Variants in CUX1 observed in about 807,000 individuals in gnomAD.
The protein encoded by CUX1 is protein CASP.
In CUX1, 31 loss-of-function variants were observed where a neutral mutation model predicts 158.8. That is an observed-to-expected ratio of 0.20 (90% CI 0.15 to 0.26). CUX1 has a LOEUF of 0.26. Among genes scored for constraint, CUX1 ranks in the 10% least tolerant of loss-of-function variants. CUX1 has a pLI of 1.00. For missense variants in CUX1, 1,589 were observed against 2,014.6 expected (o/e 0.79, Z 4.04); for synonymous variants, 879 against 862.1 (o/e 1.02, Z -0.34).
intron 8 of CUX1, among the ~76,000 whole-genome samples, chr7:102,142,432 C>A (rs1554500642): frequency 6.6e-6 from 1 of 152,174 alleles, no homozygotes; most frequent in African/African-American, 2.4e-5. Flanking sequence ...GTATAGATGA[C>A]AGAACAGCAT....
rs531669742 is a variant in CUX1, at chr7:102,224,053, G to A, written c.3131-3314G>A. ...GGTGTCTCCAACGCGTCTGTTTGCTGTGGCATCTCTCCATGCCTGTGCAAA... is the reference window on the plus strand; with the variant it reads ...GGTGTCTCCAACGCGTCTGTTTGCTATGGCATCTCTCCATGCCTGTGCAAA... On this transcript the variant is annotated intron_variant, in intron 20 of 23. Coordinates refer to ENST00000292535, the MANE Select transcript of CUX1 (RefSeq NM_181552.4). 7.7e-4 allele frequency among the ~76,000 whole-genome samples: 117 copies of A among 152,358 alleles called. No homozygotes were observed. The Middle Eastern group carries it at 0.014, about 18-fold the overall frequency.
intron 8 of CUX1, 103 bp downstream of exon 8, chr7:102,115,376 G>A (rs1831333559): frequency 2.5e-5 from 23 of 932,882 alleles, no homozygotes. Context: ...TGCTGCTGCA[G>A]GGACACAGTG....
At position 102,253,068 on chromosome 7, in the gene CUX1, T is replaced by A. The variant is rs1801689758; in HGVS notation, c.*4026T>A. On this transcript the variant is annotated 3_prime_UTR_variant, in exon 24 of 24. Transcript: ENST00000292535. ...ATACCAGTCGACAGCCTCCCTGGGG[T>A]AGATCCCTTGTACCTCCAAAGTACA... 4.1e-6 allele frequency: 4 copies of A among 985,286 alleles called. No homozygotes were observed. The South Asian group carries it at 1.4e-4, about 35-fold the overall frequency. 61.0% of individuals were successfully genotyped at this position (985,286 alleles called of 1,614,324 possible). A position where few individuals can be genotyped will look rare whatever the true frequency, so the allele number is the denominator to read the frequency against.
intron 12 of CUX1, among the ~76,000 whole-genome samples, chr7:102,190,744 CTG>C (rs1794186132): frequency 6.6e-6 from 1 of 152,154 alleles, no homozygotes; most frequent in African/African-American, 2.4e-5. Context: ...GCCCTTGTCA[CTG>C]TTACCCCAAC....
chr7:102,077,404 T>C (rs1485812084), intron 4 of CUX1, among the ~76,000 whole-genome samples: 1 of 151,466 alleles, frequency 6.6e-6, no homozygotes, highest in East Asian at 1.9e-4. Context: ...ATAATGACTC[T>C]GGGGATCGGG....
chr7:102,200,870 A>T (rs1795339664), intron 17 of CUX1, among the ~76,000 whole-genome samples: 1 of 151,552 alleles, frequency 6.6e-6, no homozygotes, highest in Non-Finnish European at 1.5e-5. Flanking sequence ...TGTCTCTTAA[A>T]ACACTAGCCA....
intron 8 of CUX1, chr7:102,153,623 T>C (rs1251795719): frequency 1.3e-5 from 2 of 152,256 alleles, no homozygotes; most frequent in African/African-American, 4.8e-5. Flanking sequence ...TTCCTTCCTA[T>C]GTTCGGCAGA....
In CUX1 at chr7:102,253,529, C is replaced by G; in HGVS notation, c.*4487C>G. 1.0e-6 allele frequency: 1 copy of G among 985,486 alleles called. No individual in the cohort carries two copies. The highest frequency in any genetic ancestry group is 1.2e-6 in the Non-Finnish European group (1 of 829,952). 61.0% of individuals were successfully genotyped at this position (985,486 alleles called of 1,614,324 possible). On this transcript the variant is annotated 3_prime_UTR_variant, in exon 24 of 24. Transcript: ENST00000292535. ...CTTTGATGCAAGGGTGATCAATGAACTCTGTTGACATTCTATGCAATGTTT... is the reference window on the plus strand; with the variant it reads ...CTTTGATGCAAGGGTGATCAATGAAGTCTGTTGACATTCTATGCAATGTTT...
intron 3 of CUX1, among the ~76,000 whole-genome samples, chr7:102,068,853 G>T (rs142909079): frequency 2.6e-5 from 4 of 152,188 alleles, no homozygotes; most frequent in Non-Finnish European, 4.4e-5. Flanking sequence ...CAAGTGTGTA[G>T]GTAAGCTAAA....
intron 1 of CUX1, chr7:101,818,961 G>A (rs1313531996): frequency 6.6e-6 from 1 of 152,224 alleles, no homozygotes; most frequent in African/African-American, 2.4e-5. Context: ...ATCCAGGTTG[G>A]AGACGTCAGC....
At chr7:102,056,539 C>G (rs1005029593) in intron 3 of CUX1, among the ~76,000 whole-genome samples, 1 of 152,164 alleles carries the variant, frequency 6.6e-6, no homozygotes, top group African/African-American at 2.4e-5. Flanking sequence ...ATATTTTAAG[C>G]ACACTGTTGA....
At chr7:102,217,321 C>T (rs1467935984) in intron 20 of CUX1, among the ~76,000 whole-genome samples, 1 of 152,254 alleles carries the variant, frequency 6.6e-6, no homozygotes, top group African/African-American at 2.4e-5. Flanking sequence ...GATACACAAG[C>T]CAACTGAGCC....
rs1451955381 is a variant in CUX1 at position 102,108,172 on chromosome 7, TAG to T, written c.531-3525_531-3524del. The stretch of plus-strand genomic sequence containing the variant: ...TATGTCACCGTTAAAATATTAATAA[TAG>T]TTATGGAGAATTCATAGTAACATGA... On this transcript the variant is annotated intron_variant, in intron 6 of 23. Transcript: ENST00000292535. Among the ~76,000 whole-genome samples, 3 of 152,166 alleles carry T rather than the reference TAG, an allele frequency of 2.0e-5. No homozygotes were observed. The East Asian group carries it at 5.8e-4, about 29-fold the overall frequency.
intron 1 of CUX1, among the ~76,000 whole-genome samples, chr7:101,882,069 A>G (rs1295078684): frequency 1.3e-5 from 2 of 151,722 alleles, no homozygotes; most frequent in Non-Finnish European, 2.9e-5. Flanking sequence ...CTGTAGTCCC[A>G]TCTCCTCGGG....
chr7:102,282,444 T>C (rs1394410499), intron 21 of CUX1, among the ~76,000 whole-genome samples: 6 of 152,126 alleles, frequency 3.9e-5, no homozygotes, highest in African/African-American at 9.7e-5. Context: ...CCTACAGAGC[T>C]AACCTGGGCT....
intron 4 of CUX1, among the ~76,000 whole-genome samples, chr7:102,089,671 C>T (rs1585618213): frequency 6.6e-6 from 1 of 152,248 alleles, no homozygotes; most frequent in South Asian, 2.1e-4. Context: ...TCTATTCTTG[C>T]CTGGCCTTAG....
chr7:102,229,237 G>A (rs976583577), intron 21 of CUX1, among the ~76,000 whole-genome samples: 9 of 151,910 alleles, frequency 5.9e-5, no homozygotes, highest in African/African-American at 2.2e-4. Context: ...GCCTGGGTTG[G>A]TTGTCTGTGC....
At position 102,277,333 on chromosome 7, in the gene CUX1, C is replaced by T. The variant is rs574765111; in HGVS notation, c.1564-616C>T. ...GACAGGGGCCAGGCGCAGCAGCTCACGCCTATAATCCCAACACTTTGGGAG... is the reference window on the plus strand; with the variant it reads ...GACAGGGGCCAGGCGCAGCAGCTCATGCCTATAATCCCAACACTTTGGGAG... On this transcript the variant is annotated intron_variant, in intron 17 of 22. Transcript: ENST00000292538. 9.9e-5 allele frequency among the ~76,000 whole-genome samples: 15 copies of T among 151,990 alleles called. No homozygotes were observed. The East Asian group carries it at 2.9e-3, about 29-fold the overall frequency.
chr7:102,197,390 G>A (rs1794904805), intron 15 of CUX1, 85 bp downstream of exon 15: 4 of 1,432,780 alleles, frequency 2.8e-6, no homozygotes, highest in Non-Finnish European at 2.9e-6. Context: ...GTGTGTCTGT[G>A]TGCGTGATGA....
Sources: gnomAD v4.1 joint callset for allele counts (sites outside exome capture counted in the v4.1 genomes callset) on GRCh38, gnomAD v4.1.1 for gene constraint, MANE v1.5 for transcripts, NCBI Gene and HGNC (gene_info 2026-07-23, HGNC 2026-07-21) for gene names.